YLPM1: variants seen among roughly 807,000 people sequenced by gnomAD.
The protein encoded by YLPM1 is YLP motif-containing protein 1.
A neutral mutation model predicts 230.0 loss-of-function variants in YLPM1; 99 were observed. The ratio of observed to expected loss-of-function variants is 0.43; its 90% CI spans 0.37 to 0.51. The LOEUF (loss-of-function observed/expected upper bound fraction) is 0.51, where lower values mean the gene tolerates loss of function less well. Ranked by LOEUF, YLPM1 falls within the 20% of genes least tolerant of loss-of-function variation. YLPM1 has a pLI of 0.00. For missense variants in YLPM1, 2,592 were observed against 2,707.7 expected (o/e 0.96, Z 0.95); for synonymous variants, 984 against 942.5 (o/e 1.04, Z -0.81).
intron 5 of YLPM1, among the ~76,000 whole-genome samples, chr14:74,801,336 C>T (rs574092503): frequency 2.6e-5 from 4 of 152,296 alleles, no homozygotes; most frequent in African/African-American, 9.6e-5. Context: ...ATCTTACACA[C>T]TTGACCCTTA....
At chr14:74,818,980 C>T (rs2140135729) in intron 16 of YLPM1, among the ~76,000 whole-genome samples, 1 of 152,214 alleles carries the variant, frequency 6.6e-6, no homozygotes, top group East Asian at 1.9e-4. Flanking sequence ...ATACTGTGCC[C>T]TCTCAGTGTG....
rs531982089 is a variant in YLPM1 at position 74,820,879 on chromosome 14, A to G, written c.6031-178A>G. Among the ~76,000 whole-genome samples the G allele has an allele frequency of 1.8e-4, 28 of 152,348 alleles. No individual in the cohort carries two copies. The South Asian group carries it at 5.6e-3, about 30-fold the overall frequency. On this transcript the variant is annotated intron_variant, in intron 16 of 20. Transcript: ENST00000325680. ...ATATTCAAGGAAAATTAAAGGCAGT[A>G]GTATCCTGTCTTTTATCAGTTCTGT...
chr14:74,809,299 G>A (rs186109784), intron 6 of YLPM1, 81 bp from the exon 7 acceptor site: 22 of 1,482,850 alleles, frequency 1.5e-5, no homozygotes, highest in Admixed American at 2.9e-5. Context: ...CTTATAAATT[G>A]AGAACCAGAT....
intron 1 of YLPM1, among the ~76,000 whole-genome samples, chr14:74,767,650 C>T (rs1417909231): frequency 6.6e-6 from 1 of 152,224 alleles, no homozygotes; most frequent in Non-Finnish European, 1.5e-5. Flanking sequence ...CAAAATTACC[C>T]TCTGTTGAGA....
chr14:74,816,850 C>T, intron 13 of YLPM1, 81 bp from the exon 14 acceptor site: 1 of 1,456,948 alleles, frequency 6.9e-7, no homozygotes, highest in Admixed American at 2.7e-5. Flanking sequence ...AAAGTCATCT[C>T]TATCCAAATA....
chr14:74,764,490 G>T (rs183450070), intron 1 of YLPM1, 128 bp downstream of exon 1: 1 of 1,259,092 alleles, frequency 7.9e-7, no homozygotes. Flanking sequence ...AAAGGATTCC[G>T]TAAGAGTCAG....
intron 19 of YLPM1, among the ~76,000 whole-genome samples, chr14:74,834,151 C>G (rs899254355): frequency 4.8e-5 from 7 of 147,108 alleles, no homozygotes; most frequent in African/African-American, 1.8e-4. Context: ...CAGTTTGAGA[C>G]CAGCCTGGGC....
intron 16 of YLPM1, among the ~76,000 whole-genome samples, chr14:74,819,575 G>A (rs1376541143): frequency 1.3e-5 from 2 of 151,834 alleles, no homozygotes; most frequent in African/African-American, 4.8e-5. Context: ...ATGCCCAACC[G>A]TCATTGTTCT....
Position 74,797,845 on chromosome 14 carries a change from C to T in YLPM1, c.2548C>T (p.Gln850Ter), listed in dbSNP as rs771949654. ...PKPAFGQQHQ[Q>*]QPKSQAEPLS... ...ACCAGCTTTTGGACAGCAGCATCAG[C>T]AGCAACCTAAGTCACAAGCAGAACC... Residue 850 changes from glutamine (Q) to a stop codon, truncating the protein, a stop_gained, in exon 5 of 21, where the codon CAG becomes TAG. Coordinates refer to ENST00000325680, the MANE Select transcript of YLPM1 (RefSeq NM_019589.3). LOFTEE classifies it high-confidence loss of function. The T allele has an allele frequency of 6.2e-7, 1 of 1,613,968 alleles. No homozygotes were observed. The highest frequency in any genetic ancestry group is 1.7e-5 in the Admixed American group (1 of 60,014).
intron 6 of YLPM1, among the ~76,000 whole-genome samples, chr14:74,806,261 G>T (rs1209571532): frequency 1.3e-5 from 2 of 152,008 alleles, no homozygotes; most frequent in Non-Finnish European, 2.9e-5. Context: ...TGAGGCTGAG[G>T]CAGGAGAATC....
intron 15 of YLPM1, 50 bp downstream of exon 15, chr14:74,817,327 T>C (rs1277183059): frequency 6.6e-7 from 1 of 1,510,288 alleles, no homozygotes; most frequent in African/African-American, 1.4e-5. Context: ...CGCTGCATAA[T>C]GATGTTTTGG....
At chr14:74,774,039 C>T (rs779406393) in intron 1 of YLPM1, among the ~76,000 whole-genome samples, 1 of 151,872 alleles carries the variant, frequency 6.6e-6, no homozygotes, top group South Asian at 2.1e-4. Context: ...TGTTTTCTTA[C>T]GTTGAATAGT....
intron 6 of YLPM1, among the ~76,000 whole-genome samples, chr14:74,802,900 T>C (rs2091341911): frequency 6.6e-6 from 1 of 152,152 alleles, no homozygotes. Context: ...GTACACCAAG[T>C]ACACCTGAAC....
Position 74,797,667 on chromosome 14 carries a change from C to G in YLPM1, c.2370C>G (p.Pro790=), listed in dbSNP as rs753229653. The part of the protein sequence containing the change: ...PKGPRFEGNR[P]DGPRPRYEGH... ...GGCCTCGTTTTGAAGGAAATCGCCC[C>G]GATGGGCCAAGACCCAGATATGAAG... is the stretch of plus-strand genomic sequence containing the variant. The change falls in exon 5 of 21, where the codon CCC becomes CCG. Residue 790 remains proline (P), a synonymous_variant. Coordinates refer to ENST00000325680, the MANE Select transcript of YLPM1 (RefSeq NM_019589.3). 161 of 1,600,466 alleles carry G rather than the reference C, an allele frequency of 1.0e-4. No individual in the cohort carries two copies. The highest frequency in any genetic ancestry group is 1.3e-4 in the Non-Finnish European group (150 of 1,172,294).
chr14:74,816,359 A>G, intron 12 of YLPM1, 94 bp downstream of exon 12: 1 of 1,379,248 alleles, frequency 7.3e-7, no homozygotes, highest in Non-Finnish European at 1.0e-6. Flanking sequence ...TAATGCCAAT[A>G]GAATTGTCTT....
chr14:74,812,985 C>CACT (rs1338702939), intron 11 of YLPM1, among the ~76,000 whole-genome samples: 1 of 151,942 alleles, frequency 6.6e-6, no homozygotes, highest in Non-Finnish European at 1.5e-5. Flanking sequence ...AAGTACTTGG[C>CACT]AAAAAAGATG....
chr14:74,766,953 G>C (rs971155365), intron 1 of YLPM1, among the ~76,000 whole-genome samples: 2 of 141,648 alleles, frequency 1.4e-5, no homozygotes, highest in African/African-American at 2.6e-5. Flanking sequence ...GCGCGATCTT[G>C]GCTCATTGCA....
At chr14:74,831,950 G>A (rs1044860110) in intron 19 of YLPM1, among the ~76,000 whole-genome samples, 1 of 152,176 alleles carries the variant, frequency 6.6e-6, no homozygotes. Flanking sequence ...GCTTGCTTGG[G>A]TATAAAATGG....
At chr14:74,805,155 G>T (rs1231929705) in intron 6 of YLPM1, among the ~76,000 whole-genome samples, 1 of 151,752 alleles carries the variant, frequency 6.6e-6, no homozygotes, top group Non-Finnish European at 1.5e-5. Context: ...AAGTAGCTGG[G>T]ATTACAGGTG....
Sources: allele counts gnomAD v4.1 joint callset (sites outside exome capture counted in the v4.1 genomes callset), GRCh38; gene constraint gnomAD v4.1.1; transcripts MANE v1.5; gene names NCBI Gene and HGNC (gene_info 2026-07-23, HGNC 2026-07-21).